The following HS1BP3 variants were observed in gnomAD, a reference collection of about 807,000 sequenced individuals.
HS1BP3 encodes the protein HCLS1 binding protein 3.
In HS1BP3, 32 loss-of-function variants were observed where a neutral mutation model predicts 33.5. That is an observed-to-expected ratio of 0.95 (90% confidence interval 0.72 to 1.28). HS1BP3 has a LOEUF of 1.28. Among genes scored for constraint, HS1BP3 ranks in the 50% most tolerant of loss-of-function variants. The pLI, the probability that HS1BP3 is intolerant of heterozygous loss-of-function variation, is 0.00. For missense variants in HS1BP3, 486 were observed against 502.3 expected, an observed-to-expected ratio of 0.97 and a Z score of 0.31; for synonymous variants, 187 against 209.2, an observed-to-expected ratio of 0.89 and a Z score of 0.92.
chr2:20,606,621 C>T (rs1011799447), intron 2 of HS1BP3: 14 of 479,332 alleles, frequency 2.9e-5, no homozygotes, highest in Admixed American at 2.0e-4. Context: ...AACTTTCCAG[C>T]GTCTTTCTTC....
intron 5 of HS1BP3, among the ~76,000 whole-genome samples, chr2:20,575,242 C>T (rs763337276): frequency 3.3e-5 from 5 of 152,198 alleles, no homozygotes; most frequent in Non-Finnish European, 7.3e-5. Flanking sequence ...CTCTAGGCCT[C>T]GTTCCAAGGG....
At chr2:20,624,952 G>A in intron 4 of HS1BP3, 60 bp from the exon 5 acceptor site, 1 of 1,589,236 alleles carries the variant, frequency 6.3e-7, no homozygotes, top group Non-Finnish European at 8.6e-7. Context: ...AGGTGGTCCG[G>A]TCAGACCGAC....
At chr2:20,603,121 G>A (rs553341264) in intron 2 of HS1BP3, among the ~76,000 whole-genome samples, 98 of 152,184 alleles carry the variant, frequency 6.4e-4, no homozygotes, top group Non-Finnish European at 1.2e-3. Context: ...TTCATATCAT[G>A]CTGGTGGGAA....
At position 20,618,780 on chromosome 2, in the gene HS1BP3, G is replaced by C. The variant is rs1372084448; in HGVS notation, c.*207C>G. 2.1e-6 allele frequency: 3 copies of C among 1,396,720 alleles called. No individual in the cohort carries two copies. Among genetic ancestry groups the C allele is most frequent in the Non-Finnish European group, 1.9e-6 (2 of 1,080,516 alleles). 86.5% of individuals were successfully genotyped at this position (1,396,720 alleles called of 1,614,324 possible). On this transcript the variant is annotated 3_prime_UTR_variant, in exon 7 of 7. Coordinates refer to ENST00000304031, the MANE Select transcript of HS1BP3 (RefSeq NM_022460.4). The stretch of plus-strand genomic sequence containing the variant: ...CATTGGGCTCTGGCTCCTAGGGTGA[G>C]AGCCGCTCCCGCAGCCCGCAGGCTT...
chr2:20,636,712 G>A (rs1331879185), intron 4 of HS1BP3: 2 of 152,236 alleles, frequency 1.3e-5, no homozygotes, highest in African/African-American at 2.4e-5. Flanking sequence ...ATACATGTGT[G>A]TCCTGGGTCA....
At chr2:20,580,292 G>T (rs771132343) in intron 5 of HS1BP3, among the ~76,000 whole-genome samples, 10 of 152,240 alleles carry the variant, frequency 6.6e-5, no homozygotes, top group Non-Finnish European at 1.2e-4. Context: ...GCCGAGGCGG[G>T]TGGATTGCCT....
intron 5 of HS1BP3, among the ~76,000 whole-genome samples, chr2:20,583,188 G>A (rs1693576800): frequency 6.6e-6 from 1 of 152,208 alleles, no homozygotes; most frequent in Non-Finnish European, 1.5e-5. Context: ...AGTTTCTCAG[G>A]CCCCCAGCCT....
At chr2:20,613,321 G>A (rs1278494475), downstream of HS1BP3, among the ~76,000 whole-genome samples, 5 of 152,226 alleles carry the variant, frequency 3.3e-5, no homozygotes, top group African/African-American at 7.2e-5. Flanking sequence ...CCCATGCTCC[G>A]GAAGCCTTTA....
chr2:20,567,005 C>A (rs1693145449), intron 5 of HS1BP3, among the ~76,000 whole-genome samples: 1 of 152,120 alleles, frequency 6.6e-6, no homozygotes, highest in Non-Finnish European at 1.5e-5. Context: ...TACTCTGTCC[C>A]CCTCTCAGAA....
chr2:20,614,602 C>T (rs375833432), downstream of HS1BP3, among the ~76,000 whole-genome samples: 145 of 152,240 alleles, frequency 9.5e-4, no homozygotes, highest in South Asian at 0.012. Context: ...GTACTGCACA[C>T]GGTAGGTGCC....
chr2:20,629,443 G>A (rs1694902779), intron 4 of HS1BP3, among the ~76,000 whole-genome samples: 1 of 152,224 alleles, frequency 6.6e-6, no homozygotes, highest in South Asian at 2.1e-4. Flanking sequence ...TGGAGGAAGG[G>A]TGCCCTCTTC....
chr2:20,587,076 G>C (rs530711779), intron 5 of HS1BP3, among the ~76,000 whole-genome samples: 7 of 152,196 alleles, frequency 4.6e-5, no homozygotes, highest in African/African-American at 1.4e-4. Flanking sequence ...TTTTCTCTGA[G>C]GAAATATTGA....
intron 5 of HS1BP3, among the ~76,000 whole-genome samples, chr2:20,579,882 A>G (rs1693491238): frequency 6.6e-6 from 1 of 152,280 alleles, no homozygotes; most frequent in Non-Finnish European, 1.5e-5. Context: ...TAAGGCACAT[A>G]AAGTTCCAGG....
At position 20,638,632 on chromosome 2, in the gene HS1BP3, C is replaced by T; in HGVS notation, c.427G>A (p.Ala143Thr). 1 of 1,613,984 alleles carries T rather than the reference C, an allele frequency of 6.2e-7. No individual in the cohort carries two copies. Among genetic ancestry groups the T allele is most frequent in the Non-Finnish European group, 8.5e-7 (1 of 1,179,904 alleles). Reference sequence around the variant, plus strand: ...GAGGAATCTCTGCTGGTGAGCCCTGCAGCCCCTGGGGATCTGGTACCTGTG... The same window carrying T: ...GAGGAATCTCTGCTGGTGAGCCCTGTAGCCCCTGGGGATCTGGTACCTGTG... ...EFLGTRSPGAAGLTSRDSSVL... is the reference protein window; with the variant it reads ...EFLGTRSPGATGLTSRDSSVL... The change falls in exon 4 of 7, where the codon GCA becomes ACA. Residue 143 changes from alanine to threonine, a missense_variant. Transcript: ENST00000304031.
rs1473790382 is a variant in HS1BP3 at position 20,645,406 on chromosome 2, C to T, written c.132G>A (p.Leu44=). ...MMSGHVEYQI[L]VVTRLAAFKS... Reference sequence around the variant, plus strand: ...TGAACGCAGCCAGACGGGTCACCACCAGGATCTGGTACTCCACGTGTCCAG... The same window carrying T: ...TGAACGCAGCCAGACGGGTCACCACTAGGATCTGGTACTCCACGTGTCCAG... Residue 44 remains leucine (L), a synonymous_variant, in exon 2 of 7, where the codon CTG becomes CTA. Transcript: ENST00000304031. 2.5e-6 allele frequency: 4 copies of T among 1,614,194 alleles called. No individual in the cohort carries two copies. Among genetic ancestry groups the T allele is most frequent in the East Asian group, 4.5e-5 (2 of 44,880 alleles).
intron 5 of HS1BP3, among the ~76,000 whole-genome samples, chr2:20,564,471 G>A (rs576209503): frequency 6.6e-6 from 1 of 152,172 alleles, no homozygotes; most frequent in East Asian, 1.9e-4. Context: ...TAGTCTTTCT[G>A]GTTTTTTGTT....
chr2:20,624,587 A>T, intron 5 of HS1BP3, 145 bp downstream of exon 5: 1 of 755,726 alleles, frequency 1.3e-6, no homozygotes, highest in Non-Finnish European at 2.1e-6. Context: ...GATGTCATGG[A>T]AGCACAAAGC....
intron 2 of HS1BP3, among the ~76,000 whole-genome samples, chr2:20,606,947 T>C (rs1694198240): frequency 6.6e-6 from 1 of 150,926 alleles, no homozygotes; most frequent in African/African-American, 2.4e-5. Context: ...CAAAAGTTTT[T>C]AGTTTCGATA....
chr2:20,634,401 C>T (rs1403439131), intron 4 of HS1BP3, among the ~76,000 whole-genome samples: 1 of 152,238 alleles, frequency 6.6e-6, no homozygotes, highest in African/African-American at 2.4e-5. Flanking sequence ...CTTTCAGTGG[C>T]CCAGAATCCC....
Sources: allele counts gnomAD v4.1 joint callset (sites outside exome capture counted in the v4.1 genomes callset), GRCh38; gene constraint gnomAD v4.1.1; transcripts MANE v1.5; gene names NCBI Gene and HGNC (gene_info 2026-07-23, HGNC 2026-07-21).